The following ZDHHC12 variants were observed in gnomAD, a reference collection of about 807,000 sequenced individuals.
ZDHHC12 encodes the protein zDHHC palmitoyltransferase 12, also known as palmitoyltransferase ZDHHC12.
Under a neutral mutation model 33.2 loss-of-function variants are expected in ZDHHC12, and 26 were observed. The ratio of observed to expected loss-of-function variants is 0.78; its 90% confidence interval spans 0.57 to 1.09. ZDHHC12 has a LOEUF of 1.09. Ranked by LOEUF, ZDHHC12 falls within the 50% of genes least tolerant of loss-of-function variation. The pLI is 0.00. For missense variants in ZDHHC12, 350 were observed against 353.0 expected, an observed-to-expected ratio of 0.99 and a Z score of 0.07; for synonymous variants, 154 against 152.1, an observed-to-expected ratio of 1.01 and a Z score of -0.09.
chr9:128,721,023 G>T lies in ZDHHC12; in HGVS notation c.*158C>A. The T allele has an allele frequency of 1.3e-6, 1 of 790,322 alleles. No homozygotes were observed. Among genetic ancestry groups the T allele is most frequent in the Non-Finnish European group, 1.9e-6 (1 of 517,940 alleles). 49.0% of individuals were successfully genotyped at this position (790,322 alleles called of 1,614,324 possible). On this transcript the variant is annotated 3_prime_UTR_variant, in exon 5 of 5. Transcript: ENST00000372663. The surrounding 1 kb of genome is among the most constrained non-coding windows in gnomAD (Gnocchi z 6.9). ...CCCTTCTTCCTTGGAAGGCAGAACT[G>T]CCCACCAAGGCAGGGATCTGTCTGA...
chr9:128,721,307 G>C lies in ZDHHC12; in HGVS notation c.678C>G (p.Arg226=). The C allele has an allele frequency of 6.3e-7, 1 of 1,594,716 alleles. No homozygotes were observed. Among genetic ancestry groups the C allele is most frequent in the Non-Finnish European group, 8.5e-7 (1 of 1,170,566 alleles). The change falls in exon 5 of 5, where the codon CGC becomes CGG. Residue 226 remains arginine, a synonymous_variant. Coordinates refer to ENST00000372663, the MANE Select transcript of ZDHHC12 (RefSeq NM_032799.5). This position sits in a 1 kb window ranked among gnomAD's most constrained non-coding sequence, Gnocchi z 6.9. ...SSHRIAYLRQ[R]PSNPFDRGLT... is the part of the protein sequence containing the mutation. ...GGCCTCGGTCGAAGGGGTTGCTGGG[G>C]CGCTGGCGGAGATAGGCGATGCGGT... is the stretch of plus-strand genomic sequence containing the variant.
chr9:128,723,937 C>A lies in ZDHHC12; in HGVS notation c.100+57G>T, dbSNP rs1311079659. On this transcript the variant is annotated intron_variant, in intron 1 of 4. Coordinates refer to ENST00000372663, the MANE Select transcript of ZDHHC12 (RefSeq NM_032799.5). This position sits in a 1 kb window ranked among gnomAD's most constrained non-coding sequence, Gnocchi z 4.4. The stretch of plus-strand genomic sequence containing the variant: ...GGCGGGAGACCCAGTGTGACCAGAA[C>A]GTCTGGGGAAGTACGCGGGATCGGG... The A allele has an allele frequency of 7.0e-6, 11 of 1,573,832 alleles. No individual in the cohort carries two copies. The highest frequency in any genetic ancestry group is 8.6e-6 in the Non-Finnish European group (10 of 1,158,354).
At position 128,722,046 on chromosome 9, in the gene ZDHHC12, G is replaced by A. The variant is rs1169601260; in HGVS notation, c.278C>T (p.Ala93Val). The A allele has an allele frequency of 3.1e-6, 5 of 1,614,060 alleles. No homozygotes were observed. The Admixed American group carries it at 8.3e-5, about 27-fold the overall frequency. ...GTATCTGCAGCGCCGAAGAGGGATG[G>A]CTGGAGGAACCATGGCTGTCTGCTC... ...KEEQTAMVPP[A>V]IPLRRCRYCL... is the part of the protein sequence containing the mutation. The change falls in exon 3 of 5, where the codon GCC becomes GTC. Residue 93 changes from alanine (A) to valine (V), a missense_variant. Ala to Val is a moderately conservative substitution (Grantham distance 64, BLOSUM62 0). Coordinates refer to ENST00000372663, the MANE Select transcript of ZDHHC12 (RefSeq NM_032799.5). This position sits in a 1 kb window ranked among gnomAD's most constrained non-coding sequence, Gnocchi z 4.2.
Position 128,721,655 on chromosome 9 carries a change from C to T in ZDHHC12, c.478G>A (p.Ala160Thr), listed in dbSNP as rs760738300. The change falls in exon 4 of 5, where the codon GCA becomes ACA. Residue 160 changes from alanine (A) to threonine (T), a missense_variant. Physicochemically the swap from Ala to Thr is moderately conservative, Grantham distance 58. Coordinates refer to ENST00000372663, the MANE Select transcript of ZDHHC12 (RefSeq NM_032799.5). This position sits in a 1 kb window ranked among gnomAD's most constrained non-coding sequence, Gnocchi z 6.9. ...LVVLLWGLYL[A>T]WSGLRFFQPW... ...CACCCGGGCAGCAGCACCCACCATG[C>T]CAGGTACAGGCCCCACAGAAGCACC... is the stretch of plus-strand genomic sequence containing the variant. 14 of 1,613,386 alleles carry T rather than the reference C, an allele frequency of 8.7e-6. No homozygotes were observed. The highest frequency in any genetic ancestry group is 7.6e-6 in the Non-Finnish European group (9 of 1,179,718).
Position 128,723,844 on chromosome 9 carries a change from A to G in ZDHHC12, c.100+150T>C. ...AGACAGAGAGCAGGTGGCTCTTGGA[A>G]TGATAGATGGGGAGAGGGCTTCAGG... On this transcript the variant is annotated intron_variant, in intron 1 of 4. Coordinates refer to ENST00000372663, the MANE Select transcript of ZDHHC12 (RefSeq NM_032799.5). The surrounding 1 kb of genome is among the most constrained non-coding windows in gnomAD (Gnocchi z 4.4). 1 of 1,213,870 alleles carries G rather than the reference A, an allele frequency of 8.2e-7. No individual in the cohort carries two copies. Among genetic ancestry groups the G allele is most frequent in the South Asian group, 1.5e-5 (1 of 64,750 alleles). The allele number at this position is 1,213,870 out of a possible 1,614,324, so 75.2% of individuals were successfully genotyped here.
At position 128,721,550 on chromosome 9, in the gene ZDHHC12, C is replaced by G; in HGVS notation, c.483-48G>C. The G allele has an allele frequency of 1.3e-6, 2 of 1,587,640 alleles. No homozygotes were observed. Among genetic ancestry groups the G allele is most frequent in the Non-Finnish European group, 1.7e-6 (2 of 1,164,688 alleles). Reference sequence around the variant, plus strand: ...CTGGTGCTGGGGGAGGGCAGGGGAGCCCTTCCCTCCCCATGCCGGGTCCCT... The same window carrying G: ...CTGGTGCTGGGGGAGGGCAGGGGAGGCCTTCCCTCCCCATGCCGGGTCCCT... On this transcript the variant is annotated intron_variant, in intron 4 of 4. Transcript: ENST00000372663. This position sits in a 1 kb window ranked among gnomAD's most constrained non-coding sequence, Gnocchi z 6.9.
chr9:128,722,547 TC>T lies in ZDHHC12; in HGVS notation c.127del (p.Glu43SerfsTer30). 1 of 1,591,392 alleles carries T rather than the reference TC, an allele frequency of 6.3e-7. No individual in the cohort carries two copies. Among genetic ancestry groups the T allele is most frequent in the Non-Finnish European group, 8.6e-7 (1 of 1,169,074 alleles). On this transcript the variant is annotated frameshift_variant, in exon 2 of 5. Coordinates refer to ENST00000372663, the MANE Select transcript of ZDHHC12 (RefSeq NM_032799.5). LOFTEE classifies it high-confidence loss of function. The surrounding 1 kb of genome is among the most constrained non-coding windows in gnomAD (Gnocchi z 4.2). The part of the protein sequence containing the change: ...TELRQWEEQG[E>X]LLLPLTFLLL... The stretch of plus-strand genomic sequence containing the variant: ...CAGGAAGGTGAGGGGCAGGAGCAGC[TC>T]CCCCTGCTCCTCCCATTGCCGCAGC...
At position 128,721,573 on chromosome 9, in the gene ZDHHC12, C is replaced by T. The variant is rs533052771; in HGVS notation, c.483-71G>A. The T allele has an allele frequency of 2.0e-5, 32 of 1,588,752 alleles. No homozygotes were observed. In the Admixed American group the frequency reaches 3.8e-4, roughly 19 times the overall value. The stretch of plus-strand genomic sequence containing the variant: ...AGCCCTTCCCTCCCCATGCCGGGTC[C>T]CTGGGAGTCCTGGCTCTGTCCACCC... On this transcript the variant is annotated intron_variant, in intron 4 of 4. Transcript: ENST00000372663. The surrounding 1 kb of genome is among the most constrained non-coding windows in gnomAD (Gnocchi z 6.9).
chr9:128,724,061 G>C lies in ZDHHC12; in HGVS notation c.33C>G (p.Val11=). 6.2e-7 allele frequency: 1 copy of C among 1,609,410 alleles called. No individual in the cohort carries two copies. Among genetic ancestry groups the C allele is most frequent in the Non-Finnish European group, 8.5e-7 (1 of 1,177,368 alleles). Residue 11 remains valine (V), a synonymous_variant, in exon 1 of 5, where the codon GTC becomes GTG. Coordinates refer to ENST00000372663, the MANE Select transcript of ZDHHC12 (RefSeq NM_032799.5). MAPWALLSPG[V]LVRTGHTVLT... ...GCACGGTGTGCCCGGTCCGCACCAG[G>C]ACCCCAGGGCTGAGGAGCGCCCAGG...
In ZDHHC12 at chr9:128,724,070, G is replaced by C; in HGVS notation, c.24C>G (p.Ser8Arg). The part of the protein sequence containing the change: MAPWALL[S>R]PGVLVRTGHT... Reference sequence around the variant, plus strand: ...GCCCGGTCCGCACCAGGACCCCAGGGCTGAGGAGCGCCCAGGGCGCCATCG... The same window carrying C: ...GCCCGGTCCGCACCAGGACCCCAGGCCTGAGGAGCGCCCAGGGCGCCATCG... Residue 8 changes from serine to arginine, a missense_variant, in exon 1 of 5, where the codon AGC becomes AGG. By Grantham distance (110) the Ser-to-Arg change is moderately radical. Coordinates refer to ENST00000372663, the MANE Select transcript of ZDHHC12 (RefSeq NM_032799.5). The C allele has an allele frequency of 6.3e-7, 1 of 1,597,756 alleles. No homozygotes were observed. The highest frequency in any genetic ancestry group is 8.5e-7 in the Non-Finnish European group (1 of 1,169,800).
rs537119965 is a variant in ZDHHC12, at chr9:128,722,274, C to T, written c.237+164G>A. Among the ~76,000 whole-genome samples, 17 of 152,206 alleles carry T rather than the reference C, an allele frequency of 1.1e-4. No homozygotes were observed. In the East Asian group the frequency reaches 3.3e-3, roughly 29 times the overall value. ...GCTGTGTATGTTTGCAAGTCTCTTCCTTCTCTGGGGCCCAGCAGTTTCCTC... is the reference window on the plus strand; with the variant it reads ...GCTGTGTATGTTTGCAAGTCTCTTCTTTCTCTGGGGCCCAGCAGTTTCCTC... On this transcript the variant is annotated intron_variant, in intron 2 of 4. Transcript: ENST00000372663. This position sits in a 1 kb window ranked among gnomAD's most constrained non-coding sequence, Gnocchi z 4.2.
Position 128,722,664 on chromosome 9 carries a change from C to T in ZDHHC12, c.101-90G>A, listed in dbSNP as rs770580412. ...GCAGTTGGAGGTGGGGAAGTGTGTTCCTGGCTGAGCAAAGGCCTGGAGATG... is the reference window on the plus strand; with the variant it reads ...GCAGTTGGAGGTGGGGAAGTGTGTTTCTGGCTGAGCAAAGGCCTGGAGATG... On this transcript the variant is annotated intron_variant, in intron 1 of 4. Transcript: ENST00000372663. The surrounding 1 kb of genome is among the most constrained non-coding windows in gnomAD (Gnocchi z 4.2). 2.2e-5 allele frequency: 33 copies of T among 1,525,036 alleles called. No individual in the cohort carries two copies. The highest frequency in any genetic ancestry group is 2.5e-5 in the Non-Finnish European group (28 of 1,132,312). 94.5% of individuals were successfully genotyped at this position (1,525,036 alleles called of 1,614,324 possible). A position where few individuals can be genotyped will look rare whatever the true frequency, so the allele number is the denominator to read the frequency against.
Position 128,721,588 on chromosome 9 carries a change from T to C in ZDHHC12, c.482+63A>G. ...ATGCCGGGTCCCTGGGAGTCCTGGC[T>C]CTGTCCACCCCTGTGGGAGCATTCA... On this transcript the variant is annotated intron_variant, in intron 4 of 4. Coordinates refer to ENST00000372663, the MANE Select transcript of ZDHHC12 (RefSeq NM_032799.5). This position sits in a 1 kb window ranked among gnomAD's most constrained non-coding sequence, Gnocchi z 6.9. 1 of 1,593,368 alleles carries C rather than the reference T, an allele frequency of 6.3e-7. No homozygotes were observed. The highest frequency in any genetic ancestry group is 8.6e-7 in the Non-Finnish European group (1 of 1,167,434).
rs146354591 is a variant in ZDHHC12 at position 128,721,783 on chromosome 9, C to A, written c.350G>T (p.Arg117Leu). 2 of 1,613,282 alleles carry A rather than the reference C, an allele frequency of 1.2e-6. No homozygotes were observed. Among genetic ancestry groups the A allele is most frequent in the South Asian group, 1.1e-5 (1 of 91,070 alleles). The change falls in exon 4 of 5, where the codon CGC becomes CTC. Residue 117 changes from arginine to leucine, a missense_variant. Transcript: ENST00000372663. The surrounding 1 kb of genome is among the most constrained non-coding windows in gnomAD (Gnocchi z 6.9). ...PLRARHCREC[R>L]RCVRRYDHHC... is the part of the protein sequence containing the mutation. Reference sequence around the variant, plus strand: ...GTGGTCGTAGCGGCGGACGCAACGGCGGCACTCACGGCAGTGCCGAGCCCT... The same window carrying A: ...GTGGTCGTAGCGGCGGACGCAACGGAGGCACTCACGGCAGTGCCGAGCCCT...
rs1470349026 is a variant in ZDHHC12, at chr9:128,723,713, A to C, written c.100+281T>G. 2 of 505,634 alleles carry C rather than the reference A, an allele frequency of 4.0e-6. No homozygotes were observed. The highest frequency in any genetic ancestry group is 3.9e-5 in the African/African-American group (2 of 50,936). 31.3% of individuals were successfully genotyped at this position (505,634 alleles called of 1,614,324 possible). A position where few individuals can be genotyped will look rare whatever the true frequency, so the allele number is the denominator to read the frequency against. On this transcript the variant is annotated intron_variant, in intron 1 of 4. Transcript: ENST00000372663. The surrounding 1 kb of genome is among the most constrained non-coding windows in gnomAD (Gnocchi z 4.4). ...CCCAGGATCAGGGGACATGGGGCTC[A>C]AGTCGGTCCTTGGATCTGGTGGGCA...
Position 128,722,357 on chromosome 9 carries a change from G to C in ZDHHC12, c.237+81C>G. 2 of 1,441,294 alleles carry C rather than the reference G, an allele frequency of 1.4e-6. No homozygotes were observed. Among genetic ancestry groups the C allele is most frequent in the Non-Finnish European group, 1.8e-6 (2 of 1,089,368 alleles). The allele number at this position is 1,441,294 out of a possible 1,614,324, so 89.3% of individuals were successfully genotyped here. ...AGGAGTCACTGAACTGCTCCCACAA[G>C]AGCCTGCAGCACAGAGCCTGGCATG... On this transcript the variant is annotated intron_variant, in intron 2 of 4. Coordinates refer to ENST00000372663, the MANE Select transcript of ZDHHC12 (RefSeq NM_032799.5). This position sits in a 1 kb window ranked among gnomAD's most constrained non-coding sequence, Gnocchi z 4.2.
chr9:128,723,130 G>A lies in ZDHHC12; in HGVS notation c.101-556C>T, dbSNP rs777034623. 1 of 158,132 alleles carries A rather than the reference G, an allele frequency of 6.3e-6. No homozygotes were observed. Among genetic ancestry groups the A allele is most frequent in the African/African-American group, 2.4e-5 (1 of 41,434 alleles). The allele number at this position is 158,132 out of a possible 1,614,324, so 9.8% of individuals were successfully genotyped here. A position where few individuals can be genotyped will look rare whatever the true frequency, so the allele number is the denominator to read the frequency against. On this transcript the variant is annotated intron_variant, in intron 1 of 4. Coordinates refer to ENST00000372663, the MANE Select transcript of ZDHHC12 (RefSeq NM_032799.5). This position sits in a 1 kb window ranked among gnomAD's most constrained non-coding sequence, Gnocchi z 4.4. ...AGGGAGGTGACAGGATTTTGGGGAG[G>A]TAGGGTGCAGGGCAAGGAGTGAGGG...
rs138764378 is a variant in ZDHHC12, at chr9:128,721,772, G to A, written c.361C>T (p.Arg121Cys). ...RHCRECRRCV[R>C]RYDHHCPWME... ...CAGGGGCAGTGGTGGTCGTAGCGGC[G>A]GACGCAACGGCGGCACTCACGGCAG... The change falls in exon 4 of 5, where the codon CGC becomes TGC. Residue 121 changes from arginine to cysteine, a missense_variant. Physicochemically the swap from Arg to Cys is radical, Grantham distance 180. Coordinates refer to ENST00000372663, the MANE Select transcript of ZDHHC12 (RefSeq NM_032799.5). This position sits in a 1 kb window ranked among gnomAD's most constrained non-coding sequence, Gnocchi z 6.9. 2.7e-5 allele frequency: 43 copies of A among 1,613,454 alleles called. No homozygotes were observed. The highest frequency in any genetic ancestry group is 3.3e-4 in the Middle Eastern group (2 of 6,082).
At position 128,722,104 on chromosome 9, in the gene ZDHHC12, G is replaced by A. The variant is rs772199985; in HGVS notation, c.238-18C>T. On this transcript the variant is annotated intron_variant, in intron 2 of 4. Coordinates refer to ENST00000372663, the MANE Select transcript of ZDHHC12 (RefSeq NM_032799.5). This position sits in a 1 kb window ranked among gnomAD's most constrained non-coding sequence, Gnocchi z 4.2. Reference sequence around the variant, plus strand: ...AGCTCCTCCTGGAATGAGGGGTGGGGTGTAAGACAGGGTCCCCTTGGGAGA... The same window carrying A: ...AGCTCCTCCTGGAATGAGGGGTGGGATGTAAGACAGGGTCCCCTTGGGAGA... The A allele has an allele frequency of 1.2e-6, 2 of 1,613,898 alleles. No homozygotes were observed. Among genetic ancestry groups the A allele is most frequent in the Non-Finnish European group, 1.7e-6 (2 of 1,179,916 alleles).
Sources: gnomAD v4.1 joint callset for allele counts (sites outside exome capture counted in the v4.1 genomes callset) on GRCh38, gnomAD v4.1.1 for gene constraint, Gnocchi (gnomAD v3.1) non-coding constraint, MANE v1.5 for transcripts, NCBI Gene and HGNC (gene_info 2026-07-23, HGNC 2026-07-21) for gene names.